ABCA13: variants seen among roughly 807,000 people sequenced by gnomAD.
ABCA13 encodes ATP binding cassette subfamily A member 13.
A neutral mutation model predicts 478.7 loss-of-function variants in ABCA13; 476 were observed. The observed-to-expected ratio is 0.99, with a 90% CI of 0.92 to 1.07. ABCA13 has a LOEUF of 1.07. Ranked by LOEUF, ABCA13 falls within the 50% of genes least tolerant of loss-of-function variation. The pLI is 0.00. For missense variants in ABCA13, 6,060 were observed against 5,910.6 expected, an observed-to-expected ratio of 1.03 and a Z score of -0.83; for synonymous variants, 2,252 against 2,158.9, an observed-to-expected ratio of 1.04 and a Z score of -1.20.
intron 2 of ABCA13, among the ~76,000 whole-genome samples, chr7:48,194,623 A>G (rs1332128414): frequency 6.6e-6 from 1 of 152,138 alleles, no homozygotes; most frequent in African/African-American, 2.4e-5. Context: ...TTAAATATGT[A>G]TAATGTGGTT....
chr7:48,453,636 C>T (rs1267571919), intron 42 of ABCA13, among the ~76,000 whole-genome samples: 1 of 152,134 alleles, frequency 6.6e-6, no homozygotes, highest in African/African-American at 2.4e-5. Context: ...TTTAGACTTC[C>T]ACATTTTCTT....
chr7:48,445,051 C>T (rs1323170332), intron 42 of ABCA13, among the ~76,000 whole-genome samples: 1 of 151,230 alleles, frequency 6.6e-6, no homozygotes, highest in African/African-American at 2.4e-5. Context: ...TCTTGTCACC[C>T]AGGCTGGAGT....
intron 50 of ABCA13, 81 bp downstream of exon 50, chr7:48,508,130 T>C (rs891097531): frequency 1.9e-6 from 3 of 1,579,256 alleles, no homozygotes; most frequent in East Asian, 2.3e-5. Flanking sequence ...GAGGGGGGCA[T>C]TGGGGCCCTG....
At chr7:48,612,683 T>G (rs181524177) in intron 58 of ABCA13, among the ~76,000 whole-genome samples, 15 of 152,352 alleles carry the variant, frequency 9.8e-5, no homozygotes, top group South Asian at 2.1e-4. Context: ...TGTTTCCAGA[T>G]GCTTACTATT....
intron 59 of ABCA13, among the ~76,000 whole-genome samples, chr7:48,628,772 G>A (rs1043557723): frequency 2.0e-5 from 3 of 152,098 alleles, no homozygotes; most frequent in Admixed American, 2.0e-4. Flanking sequence ...TGTGCTCAAC[G>A]TATTTGTTGA....
At chr7:48,608,144 G>A (rs1791659262) in intron 58 of ABCA13, among the ~76,000 whole-genome samples, 1 of 152,052 alleles carries the variant, frequency 6.6e-6, no homozygotes, top group Admixed American at 6.5e-5. Context: ...GCTTCCCAAA[G>A]TGCTGGGATT....
In ABCA13 at chr7:48,645,733, A is replaced by G; in HGVS notation, c.*221A>G. 4.1e-6 allele frequency: 2 copies of G among 486,202 alleles called. No homozygotes were observed. The highest frequency in any genetic ancestry group is 3.7e-6 in the Non-Finnish European group (1 of 273,464). The allele number at this position is 486,202 out of a possible 1,614,324, so 30.1% of individuals were successfully genotyped here. On this transcript the variant is annotated 3_prime_UTR_variant, in exon 62 of 62. Transcript: ENST00000435803. Reference sequence around the variant, plus strand: ...GACTTTTGGGGAGCTCCTCCAAAACATTTGTTCTCTTTACCATGCCAGATG... The same window carrying G: ...GACTTTTGGGGAGCTCCTCCAAAACGTTTGTTCTCTTTACCATGCCAGATG...
chr7:48,239,525 C>A lies in ABCA13; in HGVS notation c.1062+120C>A, dbSNP rs1272340567. On this transcript the variant is annotated intron_variant, in intron 9 of 61. Transcript: ENST00000435803. ...ATTTTATGTCCCTCCAAGGAAAGGGCCTTAGGAGCCCCACATCCTGGCCAT... is the reference window on the plus strand; with the variant it reads ...ATTTTATGTCCCTCCAAGGAAAGGGACTTAGGAGCCCCACATCCTGGCCAT... 3.4e-6 allele frequency: 4 copies of A among 1,177,514 alleles called. No individual in the cohort carries two copies. In the African/African-American group the frequency reaches 6.2e-5, roughly 18 times the overall value. The allele number at this position is 1,177,514 out of a possible 1,614,324, so 72.9% of individuals were successfully genotyped here. A position where few individuals can be genotyped will look rare whatever the true frequency, so the allele number is the denominator to read the frequency against.
intron 38 of ABCA13, among the ~76,000 whole-genome samples, chr7:48,393,704 A>T (rs1207810406): frequency 2.6e-5 from 4 of 152,202 alleles, no homozygotes; most frequent in Non-Finnish European, 5.9e-5. Flanking sequence ...GCCCTGGAAC[A>T]CTGAGAAAAA....
chr7:48,356,425 A>T, intron 31 of ABCA13, among the ~76,000 whole-genome samples: 1 of 151,264 alleles, frequency 6.6e-6, no homozygotes, highest in African/African-American at 2.4e-5. Context: ...TACCTGGGGA[A>T]TAGTCCAGTA....
At position 48,185,912 on chromosome 7, in the gene ABCA13, T is replaced by C. The variant is rs1796291349; in HGVS notation, c.70-7047T>C. 2.0e-5 allele frequency among the ~76,000 whole-genome samples: 3 copies of C among 152,028 alleles called. No homozygotes were observed. In the South Asian group the frequency reaches 6.2e-4, roughly 32 times the overall value. ...TTCATAATATTATTATACTTTTTGGTATCAATCTTTTTGTTATGTATTAAT... is the reference window on the plus strand; with the variant it reads ...TTCATAATATTATTATACTTTTTGGCATCAATCTTTTTGTTATGTATTAAT... On this transcript the variant is annotated intron_variant, in intron 1 of 61. Transcript: ENST00000435803.
chr7:48,594,791 G>A lies in ABCA13; in HGVS notation c.14722G>A (p.Ala4908Thr). 6.2e-7 allele frequency: 1 copy of A among 1,613,932 alleles called. No individual in the cohort carries two copies. The highest frequency in any genetic ancestry group is 1.1e-5 in the South Asian group (1 of 91,086). Residue 4908 changes from alanine to threonine, a missense_variant, in exon 58 of 62, where the codon GCT becomes ACT. Around this residue, in one of 3 missense-constraint regions of ABCA13, gnomAD observed 1,627 missense variants for 1,571.0 expected, o/e 1.04. Transcript: ENST00000435803. ...TIMKEVREGC[A>T]AVLTSHSMEE... is the part of the protein sequence containing the mutation. ...AATGAAGGAGGTTCGGGAAGGCTGT[G>A]CTGCGGTGCTGACCTCCCACAGGTG...
chr7:48,490,278 C>G (rs1829723609), intron 48 of ABCA13, among the ~76,000 whole-genome samples: 1 of 152,206 alleles, frequency 6.6e-6, no homozygotes, highest in Non-Finnish European at 1.5e-5. Context: ...ACATTTCTAA[C>G]ATATTTGAAG....
chr7:48,282,226 C>T (rs1332339707), intron 19 of ABCA13, among the ~76,000 whole-genome samples: 2 of 152,184 alleles, frequency 1.3e-5, no homozygotes, highest in South Asian at 2.1e-4. Context: ...GAGAGTCCCA[C>T]GAGCTGCTTT....
At chr7:48,497,422 A>AT (rs1352345152) in intron 48 of ABCA13, among the ~76,000 whole-genome samples, 2 of 152,112 alleles carry the variant, frequency 1.3e-5, no homozygotes, top group African/African-American at 2.4e-5. Flanking sequence ...TGACATTACC[A>AT]TTTTTTATTG....
chr7:48,318,836 T>C (rs1469808697), intron 27 of ABCA13, among the ~76,000 whole-genome samples: 1 of 152,044 alleles, frequency 6.6e-6, no homozygotes, highest in Non-Finnish European at 1.5e-5. Flanking sequence ...AGGCCATGAC[T>C]TTAAAAAAAG....
rs117854280 is a variant in ABCA13 at position 48,350,765 on chromosome 7, G to A, written c.10327G>A (p.Asp3443Asn). The A allele has an allele frequency of 2.0e-4, 321 of 1,613,830 alleles. 2 individuals carry two copies. The East Asian group carries it at 6.9e-3, about 35-fold the overall frequency. ...CCGTTTCCAGGCTCTGCAGTCTGTC[G>A]ACATCCTGGAGACTAAAGCACATGA... ...LNRFQALQSV[D>N]ILETKAHELL... The change falls in exon 30 of 62, where the codon GAC becomes AAC. Residue 3443 changes from aspartate (D) to asparagine (N), a missense_variant. Physicochemically the swap from Asp to Asn is conservative, Grantham distance 23. This residue lies in a region of ABCA13 where 4,423 missense variants were observed against 4,309.1 expected (regional missense o/e 1.03). Transcript: ENST00000435803.
chr7:48,543,485 A>C (rs1784525780), intron 55 of ABCA13, among the ~76,000 whole-genome samples: 1 of 151,452 alleles, frequency 6.6e-6, no homozygotes, highest in East Asian at 1.9e-4. Flanking sequence ...TTGGCTGAGC[A>C]TGGTGGTGGG....
chr7:48,308,849 A>G (rs1801308289), intron 23 of ABCA13, among the ~76,000 whole-genome samples: 1 of 150,834 alleles, frequency 6.6e-6, no homozygotes, highest in Non-Finnish European at 1.5e-5. Flanking sequence ...TACAGGATTC[A>G]GTACAGTGAC....
Sources: gnomAD v4.1 joint callset for allele counts (sites outside exome capture counted in the v4.1 genomes callset) on GRCh38, gnomAD v4.1.1 for gene constraint, gnomAD v4.1.1 regional missense constraint, MANE v1.5 for transcripts, NCBI Gene and HGNC (gene_info 2026-07-23, HGNC 2026-07-21) for gene names.